TMC2: variants seen among roughly 807,000 people sequenced by gnomAD.
TMC2 encodes transmembrane channel-like protein 2.
TMC2 carries 102 observed loss-of-function variants against 105.9 expected under a neutral mutation model. That is an observed-to-expected ratio of 0.96 (90% CI 0.82 to 1.14). The LOEUF (loss-of-function observed/expected upper bound fraction) is 1.14, where lower values mean the gene tolerates loss of function less well. Ranked by LOEUF, TMC2 falls within the 50% of genes most tolerant of loss-of-function variation. The probability of loss-of-function intolerance (pLI) is 0.00; values close to 1 mark genes in which losing one functional copy is unlikely to be tolerated. For missense variants in TMC2, 1,093 were observed against 1,134.3 expected, an observed-to-expected ratio of 0.96 and a Z score of 0.52; for synonymous variants, 402 against 422.8, an observed-to-expected ratio of 0.95 and a Z score of 0.60.
chr20:2,591,453 C>T (rs2086267600), intron 7 of TMC2, among the ~76,000 whole-genome samples: 1 of 152,044 alleles, frequency 6.6e-6, no homozygotes, highest in Admixed American at 6.6e-5. Flanking sequence ...GCCTGTAATC[C>T]CAGCACTTTG....
At chr20:2,555,109 C>A (rs1277276554) in intron 2 of TMC2, among the ~76,000 whole-genome samples, 1 of 152,060 alleles carries the variant, frequency 6.6e-6, no homozygotes, top group Non-Finnish European at 1.5e-5. Context: ...GAGATGGAGT[C>A]TCACTCTGTC....
chr20:2,636,232 T>A (rs2086641879), intron 18 of TMC2, among the ~76,000 whole-genome samples: 1 of 152,158 alleles, frequency 6.6e-6, no homozygotes, highest in African/African-American at 2.4e-5. Context: ...TTCAAGGGGT[T>A]ACTAAAGAAC....
chr20:2,638,553 GAA>G (rs2146274612), intron 19 of TMC2, among the ~76,000 whole-genome samples: 1 of 152,246 alleles, frequency 6.6e-6, no homozygotes, highest in East Asian at 1.9e-4. Context: ...TATTCCAGAA[GAA>G]GGTGTTGTTA....
chr20:2,556,763 G>A (rs1378164602), intron 2 of TMC2, among the ~76,000 whole-genome samples: 1 of 152,182 alleles, frequency 6.6e-6, no homozygotes, highest in East Asian at 1.9e-4. Context: ...AACTTTTTTT[G>A]CAAGGCAGGT....
intron 16 of TMC2, among the ~76,000 whole-genome samples, chr20:2,619,616 T>C (rs2086510222): frequency 6.6e-6 from 1 of 151,202 alleles, no homozygotes; most frequent in South Asian, 2.1e-4. Context: ...TTAGCAGGAG[T>C]GTTCCAGCAG....
At chr20:2,549,851 T>C (rs758823108) in intron 2 of TMC2, among the ~76,000 whole-genome samples, 5 of 152,160 alleles carry the variant, frequency 3.3e-5, no homozygotes, top group Non-Finnish European at 4.4e-5. Context: ...CTTCATTTTT[T>C]AGAGCAGTTT....
chr20:2,624,841 C>G (rs1672721989), intron 17 of TMC2, among the ~76,000 whole-genome samples: 1 of 152,196 alleles, frequency 6.6e-6, no homozygotes, highest in Admixed American at 6.5e-5. Context: ...TGCAACAACT[C>G]CCACTAAAAT....
intron 19 of TMC2, among the ~76,000 whole-genome samples, chr20:2,639,992 T>TC (rs2086677023): frequency 6.6e-6 from 1 of 152,196 alleles, no homozygotes; most frequent in African/African-American, 2.4e-5. Flanking sequence ...ATTTGAACTT[T>TC]ATTTTTTTGA....
At position 2,580,030 on chromosome 20, in the gene TMC2, A is replaced by G. The variant is rs138278466; in HGVS notation, c.808A>G (p.Ile270Val). The G allele has an allele frequency of 2.7e-4, 437 of 1,613,262 alleles. 2 individuals are homozygous for G. The East Asian group carries it at 8.7e-3, about 32-fold the overall frequency. Reference protein sequence around the residue: ...YGVNLVLFGLIFGLVIIPEVL... With the variant: ...YGVNLVLFGLVFGLVIIPEVL... ...AGTTAACCTTGTCCTTTTTGGCTTA[A>G]TATTTGGTCTAGTCATAATCCCAGA... The change falls in exon 7 of 20, where the codon ATA (isoleucine) becomes GTA (valine). Residue 270 changes from isoleucine to valine, a missense_variant. Ile to Val is a conservative substitution (Grantham distance 29, BLOSUM62 3). Transcript: ENST00000358864.
intron 4 of TMC2, among the ~76,000 whole-genome samples, 189 bp downstream of exon 4, chr20:2,562,199 G>A (rs371035617): frequency 6.6e-6 from 1 of 152,240 alleles, no homozygotes; most frequent in African/African-American, 2.4e-5. Context: ...AGGGCCTAGA[G>A]GGGGAGCCAT....
rs1456267481 is a variant in TMC2, at chr20:2,558,612, G to C, written c.239G>C (p.Arg80Thr). Residue 80 changes from arginine (R) to threonine (T), a missense_variant, in exon 3 of 20, where the codon AGA (arginine) becomes ACA (threonine). By Grantham distance (71) the Arg-to-Thr change is moderately conservative. Transcript: ENST00000358864. The surrounding 1 kb of genome is among the most constrained non-coding windows in gnomAD (Gnocchi z 4.6). ...RRKQTGRRRH[R>T]EELGEQERGE... The stretch of plus-strand genomic sequence containing the variant: ...AAGCAAACAGGGCGCAGGAGACACA[G>C]AGAAGAGCTGGGGGAGCAGGAGCGG... The C allele has an allele frequency of 6.4e-7, 1 of 1,559,508 alleles. No homozygotes were observed. The highest frequency in any genetic ancestry group is 8.7e-7 in the Non-Finnish European group (1 of 1,151,380).
intron 2 of TMC2, among the ~76,000 whole-genome samples, chr20:2,538,332 C>A (rs1204380683): frequency 1.3e-5 from 2 of 152,182 alleles, no homozygotes; most frequent in Admixed American, 1.3e-4. Flanking sequence ...CTTGCCTCAG[C>A]CACTGTCCCT....
At chr20:2,624,966 T>C (rs948964566) in intron 17 of TMC2, among the ~76,000 whole-genome samples, 1 of 152,166 alleles carries the variant, frequency 6.6e-6, no homozygotes, top group African/African-American at 2.4e-5. Flanking sequence ...GCTTATACAC[T>C]GGAACAAGCT....
rs543599986 is a variant in TMC2 at position 2,564,202 on chromosome 20, G to C, written c.554+2192G>C. On this transcript the variant is annotated intron_variant, in intron 4 of 19. Coordinates refer to ENST00000358864, the MANE Select transcript of TMC2 (RefSeq NM_080751.3). ...GTATCGCTCTGTCGCCCAGGATGGA[G>C]TGCAGTGGCACAATCTCGGCTCACT... is the stretch of plus-strand genomic sequence containing the variant. Among the ~76,000 whole-genome samples the C allele has an allele frequency of 1.2e-4, 16 of 138,826 alleles. No individual in the cohort carries two copies. The South Asian group carries it at 3.6e-3, about 31-fold the overall frequency. 91.1% of individuals were successfully genotyped at this position (138,826 alleles called of 152,430 possible).
intron 5 of TMC2, 53 bp downstream of exon 5, chr20:2,572,322 A>T: frequency 6.9e-7 from 1 of 1,455,922 alleles, no homozygotes; most frequent in Non-Finnish European, 9.6e-7. Context: ...CAGCTTTGGA[A>T]TCTGGCGACC....
chr20:2,641,668 C>A lies in TMC2; in HGVS notation c.*317C>A. The A allele has an allele frequency of 9.9e-6, 3 of 304,358 alleles. No individual in the cohort carries two copies. The highest frequency in any genetic ancestry group is 1.9e-5 in the Non-Finnish European group (3 of 159,478). 18.9% of individuals were successfully genotyped at this position (304,358 alleles called of 1,614,324 possible). A position where few individuals can be genotyped will look rare whatever the true frequency, so the allele number is the denominator to read the frequency against. On this transcript the variant is annotated 3_prime_UTR_variant, in exon 20 of 20. Coordinates refer to ENST00000358864, the MANE Select transcript of TMC2 (RefSeq NM_080751.3). The stretch of plus-strand genomic sequence containing the variant: ...CCCGATTTTCGGAGTTGGGGAAGGG[C>A]CATGACCACCCTCGTAGACTTTTTC...
intron 7 of TMC2, among the ~76,000 whole-genome samples, chr20:2,586,058 G>A (rs1043503204): frequency 6.6e-6 from 1 of 152,130 alleles, no homozygotes; most frequent in Non-Finnish European, 1.5e-5. Context: ...GGTCCTCAGT[G>A]ATTCACATCC....
intron 7 of TMC2, among the ~76,000 whole-genome samples, chr20:2,586,954 A>G (rs1055411906): frequency 1.3e-5 from 2 of 152,224 alleles, no homozygotes; most frequent in African/African-American, 4.8e-5. Flanking sequence ...AGACTTTAAT[A>G]TATAGAAAGA....
rs1472264482 is a variant in TMC2, at chr20:2,602,245, A to G, written c.1357A>G (p.Lys453Glu). ...GSGYLIYFVVKRSQQFSKMQN... is the reference protein window; with the variant it reads ...GSGYLIYFVVERSQQFSKMQN... ...TGGGTACCTCATTTACTTTGTGGTT[A>G]AGCGATCTCAGCAATTCTCCAAAAT... The change falls in exon 11 of 20, where the codon AAG (lysine) becomes GAG (glutamate). Residue 453 changes from lysine to glutamate, a missense_variant. Coordinates refer to ENST00000358864, the MANE Select transcript of TMC2 (RefSeq NM_080751.3). 9 of 1,612,416 alleles carry G rather than the reference A, an allele frequency of 5.6e-6. No individual in the cohort carries two copies. The Admixed American group carries it at 1.3e-4, about 24-fold the overall frequency.
Sources: allele counts gnomAD v4.1 joint callset (sites outside exome capture counted in the v4.1 genomes callset), GRCh38; gene constraint gnomAD v4.1.1; non-coding constraint Gnocchi (gnomAD v3.1); transcripts MANE v1.5; gene names NCBI Gene and HGNC (gene_info 2026-07-23, HGNC 2026-07-21).